LHFPL3: variants seen among roughly 807,000 people sequenced by gnomAD.
LHFPL3 encodes the protein LHFPL tetraspan subfamily member 3 protein.
LHFPL3 carries 5 observed loss-of-function variants against 19.3 expected under a neutral mutation model. That is an observed-to-expected ratio of 0.26 (90% CI 0.14 to 0.54). The LOEUF is 0.54. Ranked by LOEUF, LHFPL3 falls within the 20% of genes least tolerant of loss-of-function variation. LHFPL3 has a pLI of 0.94. For missense variants in LHFPL3, 249 were observed against 307.4 expected, an observed-to-expected ratio of 0.81 and a Z score of 1.42; for synonymous variants, 133 against 126.2, an observed-to-expected ratio of 1.05 and a Z score of -0.36.
chr7:104,588,953 A>G (rs1487054878), intron 1 of LHFPL3, among the ~76,000 whole-genome samples: 4 of 152,298 alleles, frequency 2.6e-5, no homozygotes, highest in East Asian at 3.9e-4. Flanking sequence ...TGATTTTTGC[A>G]CATTGATTTT....
intron 1 of LHFPL3, among the ~76,000 whole-genome samples, chr7:104,434,637 T>C (rs1017098457): frequency 1.3e-5 from 2 of 152,228 alleles, no homozygotes; most frequent in African/African-American, 2.4e-5. Context: ...ATTGAACTTG[T>C]AGAGTCCTCT....
In LHFPL3 at chr7:104,520,863, G is replaced by A. The variant is rs545033527; in HGVS notation, c.445+191639G>A. Among the ~76,000 whole-genome samples, 20 of 148,764 alleles carry A rather than the reference G, an allele frequency of 1.3e-4. No individual in the cohort carries two copies. In the East Asian group the frequency reaches 1.6e-3, roughly 12 times the overall value. On this transcript the variant is annotated intron_variant, in intron 1 of 2. Coordinates refer to ENST00000424859, the MANE Select transcript of LHFPL3 (RefSeq NM_199000.3). ...TTTTTTCTTTATTAGTCTTGCTAGC[G>A]GTCTATCAATTTTGTTGATCCTTTC...
intron 2 of LHFPL3, among the ~76,000 whole-genome samples, chr7:104,904,881 T>C (rs1434078091): frequency 6.6e-6 from 1 of 152,184 alleles, no homozygotes; most frequent in Non-Finnish European, 1.5e-5. Context: ...CTAGCTGTAT[T>C]GATACAGGAT....
intron 1 of LHFPL3, among the ~76,000 whole-genome samples, chr7:104,447,701 A>G (rs1393054957): frequency 6.6e-6 from 1 of 152,146 alleles, no homozygotes; most frequent in Non-Finnish European, 1.5e-5. Flanking sequence ...TTTCCTAAAG[A>G]GAAACTTCAC....
At chr7:104,487,797 C>T (rs985935886) in intron 1 of LHFPL3, among the ~76,000 whole-genome samples, 1 of 152,170 alleles carries the variant, frequency 6.6e-6, no homozygotes, top group Non-Finnish European at 1.5e-5. Flanking sequence ...TTCCTTCACT[C>T]CATATATGAT....
intron 1 of LHFPL3, among the ~76,000 whole-genome samples, chr7:104,670,861 G>GTTTTTTTTTTTTT (rs765180265): frequency 2.7e-5 from 4 of 146,448 alleles, no homozygotes; most frequent in African/African-American, 2.5e-5. Flanking sequence ...AATGTGTTTT[G>GTTTTTTTTTTTTT]TTTTGTTTTT....
intron 1 of LHFPL3, among the ~76,000 whole-genome samples, chr7:104,498,395 C>T (rs1793530192): frequency 6.6e-6 from 1 of 152,078 alleles, no homozygotes; most frequent in Non-Finnish European, 1.5e-5. Context: ...TGTCTTCGTG[C>T]TCAAAGAAGA....
chr7:104,365,795 A>AG (rs1790478991), intron 1 of LHFPL3, among the ~76,000 whole-genome samples: 1 of 142,734 alleles, frequency 7.0e-6, no homozygotes, highest in Admixed American at 7.3e-5. Context: ...CTCAAAAAAA[A>AG]AAAAAAAAAA....
At chr7:104,594,182 C>G (rs1202759149) in intron 1 of LHFPL3, among the ~76,000 whole-genome samples, 1 of 152,146 alleles carries the variant, frequency 6.6e-6, no homozygotes, top group Non-Finnish European at 1.5e-5. Flanking sequence ...ACTGGTTGTT[C>G]CTTTCCATGT....
intron 2 of LHFPL3, among the ~76,000 whole-genome samples, chr7:104,773,923 T>C (rs1794601364): frequency 6.6e-6 from 1 of 152,234 alleles, no homozygotes; most frequent in Non-Finnish European, 1.5e-5. Context: ...TACATGCCTA[T>C]TGTTTAAGCC....
chr7:104,898,792 C>T (rs762556595), intron 2 of LHFPL3, among the ~76,000 whole-genome samples: 16 of 151,972 alleles, frequency 1.1e-4, no homozygotes, highest in Non-Finnish European at 1.9e-4. Flanking sequence ...TACACTCCAG[C>T]TTCAGTGACA....
chr7:104,883,768 CCATATTTCCCTGCTGGGGAGCTAGGACT>C (rs1239673211), intron 2 of LHFPL3, among the ~76,000 whole-genome samples: 1 of 152,188 alleles, frequency 6.6e-6, no homozygotes, highest in Non-Finnish European at 1.5e-5. Context: ...TAAGAATCTT[CCATATTTCCCTGCTGGGGAGCTAGGACT>C]CAGTTCATTG....
chr7:104,468,817 C>A (rs1257997974), intron 1 of LHFPL3, among the ~76,000 whole-genome samples: 1 of 152,018 alleles, frequency 6.6e-6, no homozygotes, highest in East Asian at 1.9e-4. Context: ...TGCCACCACA[C>A]CCAGCCAATT....
chr7:104,543,934 A>C (rs900356863), intron 1 of LHFPL3, among the ~76,000 whole-genome samples: 1 of 150,312 alleles, frequency 6.7e-6, no homozygotes. Flanking sequence ...AATAATAATA[A>C]AACCTAGATG....
intron 1 of LHFPL3, 83 bp downstream of exon 1, chr7:104,329,307 C>T: frequency 4.8e-6 from 7 of 1,471,732 alleles, no homozygotes; most frequent in Non-Finnish European, 5.4e-6. Flanking sequence ...GGGACGGGGG[C>T]TGTGCGCGCC....
At chr7:104,598,915 A>G (rs1790914119) in intron 1 of LHFPL3, among the ~76,000 whole-genome samples, 2 of 139,362 alleles carry the variant, frequency 1.4e-5, no homozygotes, top group African/African-American at 5.5e-5. Flanking sequence ...GAGATGGACT[A>G]GACAACAGGT....
chr7:104,422,984 A>G (rs1397132218), intron 1 of LHFPL3, among the ~76,000 whole-genome samples: 1 of 152,208 alleles, frequency 6.6e-6, no homozygotes, highest in Non-Finnish European at 1.5e-5. Context: ...AGACCCCTAC[A>G]ATGTTCCGGG....
chr7:104,523,112 A>G (rs1302910766), intron 1 of LHFPL3, among the ~76,000 whole-genome samples: 1 of 147,456 alleles, frequency 6.8e-6, no homozygotes, highest in Non-Finnish European at 1.5e-5. Flanking sequence ...ACATATGTGT[A>G]TTTTCTAGTT....
intron 1 of LHFPL3, among the ~76,000 whole-genome samples, chr7:104,382,348 C>T (rs920324206): frequency 5.3e-5 from 8 of 152,160 alleles, no homozygotes; most frequent in Non-Finnish European, 1.0e-4. Flanking sequence ...ATTAGCCAGG[C>T]GTGGTGGCGC....
Sources: gnomAD v4.1 joint callset for allele counts (sites outside exome capture counted in the v4.1 genomes callset) on GRCh38, gnomAD v4.1.1 for gene constraint, MANE v1.5 for transcripts, NCBI Gene and HGNC (gene_info 2026-07-23, HGNC 2026-07-21) for gene names.